The following SGCZ variants were observed in gnomAD, a reference collection of about 807,000 sequenced individuals.
The protein encoded by SGCZ is zeta-sarcoglycan.
Under a neutral mutation model 41.3 loss-of-function variants are expected in SGCZ, and 40 were observed. The observed-to-expected ratio is 0.97, with a 90% CI of 0.75 to 1.26. The LOEUF is 1.26. Ranked by LOEUF, SGCZ falls within the 50% of genes most tolerant of loss-of-function variation. The probability of loss-of-function intolerance (pLI) is 0.00; values close to 1 mark genes in which losing one functional copy is unlikely to be tolerated. For synonymous variants in SGCZ, 206 were observed against 137.5 expected (o/e 1.50, Z -3.49); for missense variants, 552 against 369.8 (o/e 1.49, Z -4.04).
chr8:14,357,690 T>G (rs1803346924), intron 2 of SGCZ, among the ~76,000 whole-genome samples: 1 of 152,216 alleles, frequency 6.6e-6, no homozygotes, highest in African/African-American at 2.4e-5. Flanking sequence ...AAACACTTTA[T>G]ATGTATTATC....
At chr8:14,244,752 A>G (rs1799023490) in intron 3 of SGCZ, among the ~76,000 whole-genome samples, 1 of 151,874 alleles carries the variant, frequency 6.6e-6, no homozygotes. Context: ...ATTTGTTTCT[A>G]TCCTCTTTTA....
intron 3 of SGCZ, among the ~76,000 whole-genome samples, chr8:14,266,788 C>T (rs886287473): frequency 4.0e-5 from 6 of 151,888 alleles, no homozygotes; most frequent in African/African-American, 1.5e-4. Context: ...GAGGTAAAAA[C>T]GAAGTAAATT....
At chr8:14,483,451 G>T (rs911886112) in intron 2 of SGCZ, among the ~76,000 whole-genome samples, 5 of 152,134 alleles carry the variant, frequency 3.3e-5, no homozygotes, top group African/African-American at 1.2e-4. Context: ...CCTGCCTGTG[G>T]TCCCAGCTAC....
intron 1 of SGCZ, among the ~76,000 whole-genome samples, chr8:14,718,265 A>C (rs986868970): frequency 6.6e-6 from 1 of 151,936 alleles, no homozygotes; most frequent in African/African-American, 2.4e-5. Flanking sequence ...TTCGTCAGGT[A>C]ATTTTTACAG....
At position 14,754,396 on chromosome 8, in the gene SGCZ, A is replaced by T. The variant is rs571474088; in HGVS notation, c.40-199470T>A. 2.0e-5 allele frequency among the ~76,000 whole-genome samples: 3 copies of T among 152,236 alleles called. No homozygotes were observed. The East Asian group carries it at 5.8e-4, about 29-fold the overall frequency. On this transcript the variant is annotated intron_variant, in intron 1 of 7. Coordinates refer to ENST00000382080, the MANE Select transcript of SGCZ (RefSeq NM_139167.4). ...TTTCCATAGTAGATACTACACTCTA[A>T]CATGCCATATAATAAGCATTTTTGT...
intron 1 of SGCZ, among the ~76,000 whole-genome samples, chr8:14,926,973 A>G (rs533473650): frequency 6.6e-6 from 1 of 152,132 alleles, no homozygotes; most frequent in African/African-American, 2.4e-5. Context: ...TGACATCAAA[A>G]GTCTTTCCTT....
rs1585389685 is a variant in SGCZ, at chr8:14,345,935, G to C, written c.235-21731C>G. Reference sequence around the variant, plus strand: ...GCCAAGAATTCAGGGTAGGGAGGAAGGGATGTCTCAGTAGAACAAAGGGAA... The same window carrying C: ...GCCAAGAATTCAGGGTAGGGAGGAACGGATGTCTCAGTAGAACAAAGGGAA... On this transcript the variant is annotated intron_variant, in intron 2 of 7. Transcript: ENST00000382080. 2.6e-5 allele frequency among the ~76,000 whole-genome samples: 4 copies of C among 152,196 alleles called. 1 individual carries two copies. Among genetic ancestry groups the C allele is most frequent in the Admixed American group, 2.6e-4 (4 of 15,276 alleles).
At chr8:14,959,766 T>C (rs1430863568) in intron 1 of SGCZ, among the ~76,000 whole-genome samples, 2 of 152,210 alleles carry the variant, frequency 1.3e-5, no homozygotes, top group African/African-American at 4.8e-5. Context: ...GTATATCTTT[T>C]CTTTCACCAC....
Position 14,744,183 on chromosome 8 carries a change from A to G in SGCZ, c.40-189257T>C, listed in dbSNP as rs138729367. 4.2e-3 allele frequency among the ~76,000 whole-genome samples: 635 copies of G among 152,302 alleles called. 7 individuals carry two copies. Among genetic ancestry groups the G allele is most frequent in the African/African-American group, 0.015 (617 of 41,570 alleles). On this transcript the variant is annotated intron_variant, in intron 1 of 7. Coordinates refer to ENST00000382080, the MANE Select transcript of SGCZ (RefSeq NM_139167.4). ...ACCATAGGGAGCATAAAGAAAATGG[A>G]AAAGAGCAGAGATAAAGAAACAGAG...
rs1554471134 is a variant in SGCZ at position 15,172,162 on chromosome 8, T to TTTATTTATTTA, written c.39+65422_39+65423insTAAATAAATAA. On this transcript the variant is annotated intron_variant, in intron 1 of 7. Transcript: ENST00000382080. ...AATGCCTTTTATACTCTGTTTTTTT[T>TTTATTTATTTA]TTTTTTTTTTTTTTTTTGAGACGGA... Among the ~76,000 whole-genome samples, 20 of 119,036 alleles carry TTTATTTATTTA rather than the reference T, an allele frequency of 1.7e-4. 4 individuals are homozygous for TTTATTTATTTA. Among genetic ancestry groups the TTTATTTATTTA allele is most frequent in the Non-Finnish European group, 3.0e-4 (17 of 57,460 alleles). 78.1% of individuals were successfully genotyped at this position (119,036 alleles called of 152,430 possible).
intron 5 of SGCZ, among the ~76,000 whole-genome samples, chr8:14,114,780 A>T (rs928626731): frequency 1.3e-5 from 2 of 152,002 alleles, no homozygotes; most frequent in Non-Finnish European, 2.9e-5. Flanking sequence ...CCAGACTTCC[A>T]TATGGCTCTC....
chr8:15,092,997 G>A (rs933851441), intron 1 of SGCZ, among the ~76,000 whole-genome samples: 3 of 152,078 alleles, frequency 2.0e-5, no homozygotes, highest in Admixed American at 6.6e-5. Flanking sequence ...ACAAATACAC[G>A]CTTTTAGTAT....
intron 3 of SGCZ, among the ~76,000 whole-genome samples, chr8:14,316,906 A>C (rs1332169289): frequency 6.6e-6 from 1 of 151,460 alleles, no homozygotes; most frequent in Non-Finnish European, 1.5e-5. Context: ...CAGCATGCTC[A>C]TCTAACAGAC....
intron 1 of SGCZ, among the ~76,000 whole-genome samples, chr8:14,606,709 A>T (rs1319722102): frequency 6.6e-6 from 1 of 152,244 alleles, no homozygotes; most frequent in Non-Finnish European, 1.5e-5. Flanking sequence ...ACCACAGTAC[A>T]TGAAGTATAC....
At chr8:14,652,137 G>C (rs755819437) in intron 1 of SGCZ, among the ~76,000 whole-genome samples, 1 of 151,704 alleles carries the variant, frequency 6.6e-6, no homozygotes, top group African/African-American at 2.4e-5. Context: ...TTATGGTAGT[G>C]AGAAATACAT....
intron 2 of SGCZ, among the ~76,000 whole-genome samples, chr8:14,544,822 T>A (rs1161967949): frequency 6.6e-6 from 1 of 152,142 alleles, no homozygotes; most frequent in South Asian, 2.1e-4. Context: ...TGCCTTGTGA[T>A]CTTTCTTGGG....
intron 3 of SGCZ, among the ~76,000 whole-genome samples, chr8:14,282,742 T>G (rs1044242385): frequency 3.3e-5 from 5 of 152,152 alleles, no homozygotes; most frequent in Admixed American, 1.3e-4. Context: ...GGTCTTCCAA[T>G]TCTTTCATCC....
chr8:14,846,835 C>T (rs1348102424), intron 1 of SGCZ, among the ~76,000 whole-genome samples: 6 of 151,796 alleles, frequency 4.0e-5, no homozygotes, highest in Admixed American at 2.6e-4. Context: ...TTTGGGAGGC[C>T]GAGTCGGGTG....
intron 1 of SGCZ, among the ~76,000 whole-genome samples, chr8:14,948,471 T>TGA (rs143082015): frequency 0.24 from 35,088 of 147,802 alleles, 4,811 homozygotes; most frequent in South Asian, 0.33. Context: ...TCTTATCTTA[T>TGA]GAGAGAGAGA....
Sources: gnomAD v4.1 joint callset for allele counts (sites outside exome capture counted in the v4.1 genomes callset) on GRCh38, gnomAD v4.1.1 for gene constraint, MANE v1.5 for transcripts, NCBI Gene and HGNC (gene_info 2026-07-23, HGNC 2026-07-21) for gene names.